The following ZNF385B variants were observed in gnomAD, a reference collection of about 807,000 sequenced individuals.
ZNF385B encodes the protein zinc finger protein 385B.
In ZNF385B, 23 loss-of-function variants were observed where a neutral mutation model predicts 39.2. The ratio of observed to expected loss-of-function variants is 0.59; its 90% CI spans 0.42 to 0.83. The LOEUF is 0.83. Among genes scored for constraint, ZNF385B ranks in the 40% least tolerant of loss-of-function variants. The pLI is 0.00. For missense variants in ZNF385B, 552 were observed against 598.9 expected, an observed-to-expected ratio of 0.92 and a Z score of 0.82; for synonymous variants, 205 against 222.6, an observed-to-expected ratio of 0.92 and a Z score of 0.70.
At chr2:179,791,065 T>C (rs1705296209) in intron 1 of ZNF385B, among the ~76,000 whole-genome samples, 1 of 152,200 alleles carries the variant, frequency 6.6e-6, no homozygotes, top group Non-Finnish European at 1.5e-5. Context: ...CTCATCTCAC[T>C]TGGTGATTGA....
At chr2:179,688,734 T>C (rs1299435313) in intron 3 of ZNF385B, among the ~76,000 whole-genome samples, 1 of 152,206 alleles carries the variant, frequency 6.6e-6, no homozygotes, top group Non-Finnish European at 1.5e-5. Context: ...TTATTAATTA[T>C]AGTTACCATG....
In ZNF385B at chr2:179,578,836, T is replaced by G. The variant is rs945585052; in HGVS notation, c.299-33867A>C. Reference sequence around the variant, plus strand: ...GCATCAAGTGTGTTAACTCTTGGTTTGGTATAGTTTCTTCTACCTGAGAAA... The same window carrying G: ...GCATCAAGTGTGTTAACTCTTGGTTGGGTATAGTTTCTTCTACCTGAGAAA... On this transcript the variant is annotated intron_variant, in intron 3 of 9. Coordinates refer to ENST00000410066, the MANE Select transcript of ZNF385B (RefSeq NM_152520.6). Among the ~76,000 whole-genome samples, 4 of 152,232 alleles carry G rather than the reference T, an allele frequency of 2.6e-5. 1 individual carries two copies. In the South Asian group the frequency reaches 6.2e-4, roughly 24 times the overall value.
chr2:179,766,715 A>G (rs1703715801), intron 3 of ZNF385B, among the ~76,000 whole-genome samples: 1 of 152,194 alleles, frequency 6.6e-6, no homozygotes, highest in Admixed American at 6.5e-5. Flanking sequence ...TACCTCTGTA[A>G]AGACCCTAGC....
intron 3 of ZNF385B, among the ~76,000 whole-genome samples, chr2:179,618,451 A>G (rs1050388623): frequency 1.3e-5 from 2 of 152,200 alleles, no homozygotes; most frequent in African/African-American, 4.8e-5. Flanking sequence ...AATTTCCTCC[A>G]AAATGTCTAG....
chr2:179,781,395 G>A (rs899246014), intron 1 of ZNF385B, among the ~76,000 whole-genome samples: 4 of 152,098 alleles, frequency 2.6e-5, no homozygotes, highest in Non-Finnish European at 2.9e-5. Context: ...GGTAACTTAC[G>A]ACAAAGTGGT....
At chr2:179,502,072 G>T (rs2056810953) in intron 5 of ZNF385B, among the ~76,000 whole-genome samples, 1 of 152,150 alleles carries the variant, frequency 6.6e-6, no homozygotes, top group South Asian at 2.1e-4. Flanking sequence ...GACTTGGGTG[G>T]TGCCTATAGC....
intron 3 of ZNF385B, among the ~76,000 whole-genome samples, chr2:179,567,196 T>C (rs1291283340): frequency 6.6e-6 from 1 of 152,128 alleles, no homozygotes; most frequent in Non-Finnish European, 1.5e-5. Flanking sequence ...ATTACAGGCA[T>C]TGAGCCACCG....
intron 3 of ZNF385B, among the ~76,000 whole-genome samples, chr2:179,702,803 G>A (rs757401558): frequency 4.1e-4 from 63 of 152,268 alleles, no homozygotes; most frequent in Non-Finnish European, 6.8e-4. Flanking sequence ...GTAATTGCTC[G>A]GTAAATAGAA....
intron 1 of ZNF385B, among the ~76,000 whole-genome samples, chr2:179,796,584 C>G (rs1197204322): frequency 6.6e-6 from 1 of 152,174 alleles, no homozygotes; most frequent in Non-Finnish European, 1.5e-5. Context: ...GGAAGGGAAA[C>G]AGCTCGCCTC....
chr2:179,514,781 T>C (rs1366611203), intron 5 of ZNF385B, among the ~76,000 whole-genome samples: 1 of 5,796 alleles, frequency 1.7e-4, no homozygotes, highest in Non-Finnish European at 6.8e-4. Context: ...TGTGGTGGTT[T>C]TTTTTTTTTT....
In ZNF385B at chr2:179,769,756, G is replaced by C; in HGVS notation, c.45C>G (p.Ile15Met). 1 of 1,613,826 alleles carries C rather than the reference G, an allele frequency of 6.2e-7. No individual in the cohort carries two copies. The highest frequency in any genetic ancestry group is 8.5e-7 in the Non-Finnish European group (1 of 1,179,854). The change falls in exon 3 of 10, where the codon ATC becomes ATG. Residue 15 changes from isoleucine to methionine, a missense_variant. Transcript: ENST00000410066. ...CCCGTAGAAAATTTGCCATATTCATGATTCCATCTTCAAGATGGTTGTCAG... is the reference window on the plus strand; with the variant it reads ...CCCGTAGAAAATTTGCCATATTCATCATTCCATCTTCAAGATGGTTGTCAG... ...LSPDNHLEDG[I>M]MNMANFLRGF... is the part of the protein sequence containing the mutation.
chr2:179,574,135 T>C (rs1179432209), intron 3 of ZNF385B, among the ~76,000 whole-genome samples: 1 of 152,102 alleles, frequency 6.6e-6, no homozygotes, highest in Non-Finnish European at 1.5e-5. Flanking sequence ...AGGGTGATGA[T>C]AGAAGTATGA....
intron 6 of ZNF385B, among the ~76,000 whole-genome samples, chr2:179,477,702 A>G (rs1245129046): frequency 6.6e-6 from 1 of 152,172 alleles, no homozygotes; most frequent in Admixed American, 6.5e-5. Flanking sequence ...CTAGACATGT[A>G]AAGTCTGTAA....
intron 3 of ZNF385B, among the ~76,000 whole-genome samples, chr2:179,623,566 C>G (rs2106167893): frequency 6.6e-6 from 1 of 152,252 alleles, no homozygotes; most frequent in South Asian, 2.1e-4. Context: ...ACAGTAGCAG[C>G]AGATGCATCC....
At chr2:179,747,229 C>T (rs1702433352) in intron 3 of ZNF385B, among the ~76,000 whole-genome samples, 1 of 152,104 alleles carries the variant, frequency 6.6e-6, no homozygotes, top group African/African-American at 2.4e-5. Flanking sequence ...CAACATTAAA[C>T]ACAGCACTCT....
At chr2:179,717,698 T>C (rs1700418034) in intron 3 of ZNF385B, among the ~76,000 whole-genome samples, 1 of 152,158 alleles carries the variant, frequency 6.6e-6, no homozygotes, top group South Asian at 2.1e-4. Flanking sequence ...ATGGCCCTCC[T>C]GCCTGGGTGA....
intron 1 of ZNF385B, among the ~76,000 whole-genome samples, chr2:179,820,075 G>A (rs2106580758): frequency 6.6e-6 from 1 of 152,122 alleles, no homozygotes; most frequent in East Asian, 1.9e-4. Flanking sequence ...GTGTATATGT[G>A]TGTGTGTATA....
intron 3 of ZNF385B, among the ~76,000 whole-genome samples, chr2:179,589,286 T>G (rs1687356224): frequency 6.6e-6 from 1 of 152,190 alleles, no homozygotes; most frequent in African/African-American, 2.4e-5. Flanking sequence ...GAGGCTTAAC[T>G]CTGGTCTAAC....
intron 5 of ZNF385B, among the ~76,000 whole-genome samples, chr2:179,493,595 GCGTATACATATA>G (rs2055569377): frequency 1.0e-5 from 1 of 98,910 alleles, no homozygotes; most frequent in Admixed American, 1.4e-4. Flanking sequence ...GTACATATAT[GCGTATACATATA>G]TGTACGTACA....
Sources: allele counts gnomAD v4.1 joint callset (sites outside exome capture counted in the v4.1 genomes callset), GRCh38; gene constraint gnomAD v4.1.1; transcripts MANE v1.5; gene names NCBI Gene and HGNC (gene_info 2026-07-23, HGNC 2026-07-21).